SGK3: variants seen among roughly 807,000 people sequenced by gnomAD.
The protein encoded by SGK3 is serum/glucocorticoid regulated kinase family member 3.
Under a neutral mutation model 68.5 loss-of-function variants are expected in SGK3, and 47 were observed. The observed-to-expected ratio is 0.69, with a 90% CI of 0.54 to 0.87. SGK3 has a LOEUF of 0.87. SGK3 is among the 40% of genes least tolerant of loss of function. The pLI, the probability that SGK3 is intolerant of heterozygous loss-of-function variation, is 0.00. For synonymous variants in SGK3, 181 were observed against 189.1 expected (o/e 0.96, Z 0.35); for missense variants, 479 against 575.5 (o/e 0.83, Z 1.72).
At position 66,744,512 on chromosome 8, in the gene SGK3, TA is replaced by T. The variant is rs1563605645; in HGVS notation, c.-122+31680del. Among the ~76,000 whole-genome samples the T allele has an allele frequency of 7.1e-3, 224 of 31,476 alleles. 1 individual carries two copies. Among genetic ancestry groups the T allele is most frequent in the African/African-American group, 0.016 (84 of 5,132 alleles). 20.6% of individuals were successfully genotyped at this position (31,476 alleles called of 152,430 possible). On this transcript the variant is annotated intron_variant, in intron 1 of 16. Coordinates refer to ENST00000521198, the MANE Select transcript of SGK3 (RefSeq NM_001033578.3). The stretch of plus-strand genomic sequence containing the variant: ...ATATATATATATATATATATATATA[TA>T]TATATATTTTTTTTTTTTTTTTTTT...
chr8:66,754,390 G>A (rs184995895), intron 1 of SGK3, among the ~76,000 whole-genome samples: 20 of 152,192 alleles, frequency 1.3e-4, no homozygotes, highest in Admixed American at 1.0e-3. Flanking sequence ...GACTCTACCC[G>A]CTTAATTCAG....
chr8:66,745,003 T>A (rs1805612289), intron 1 of SGK3, among the ~76,000 whole-genome samples: 1 of 152,106 alleles, frequency 6.6e-6, no homozygotes, highest in African/African-American at 2.4e-5. Context: ...GAAGTCTTTC[T>A]TGTTCTCTGT....
At chr8:66,824,324 G>C (rs539866487) in intron 6 of SGK3, among the ~76,000 whole-genome samples, 13 of 152,214 alleles carry the variant, frequency 8.5e-5, no homozygotes, top group East Asian at 5.8e-4. Flanking sequence ...TGAAAAGAAT[G>C]ATACTTAACA....
chr8:66,855,096 T>G (rs1810455727), intron 16 of SGK3, among the ~76,000 whole-genome samples: 2 of 152,150 alleles, frequency 1.3e-5, no homozygotes, highest in Admixed American at 1.3e-4. Flanking sequence ...TAAGATAATG[T>G]TTTTGTGTAT....
intron 3 of SGK3, among the ~76,000 whole-genome samples, chr8:66,801,613 GTGTC>G (rs1033949090): frequency 6.6e-6 from 1 of 152,168 alleles, no homozygotes; most frequent in South Asian, 2.1e-4. Flanking sequence ...CATGACTGTA[GTGTC>G]TGTCTGTCTC....
In SGK3 at chr8:66,806,699, G is replaced by A. The variant is rs1470632120; in HGVS notation, c.253+2252G>A. Among the ~76,000 whole-genome samples the A allele has an allele frequency of 2.6e-5, 4 of 151,770 alleles. No homozygotes were observed. In the East Asian group the frequency reaches 7.7e-4, roughly 29 times the overall value. On this transcript the variant is annotated intron_variant, in intron 4 of 16. Transcript: ENST00000521198. ...ATAATGGTGCATGCCTGTAGTCCCA[G>A]CTACTCGGGAGGCTGGAGCAAGAGA...
chr8:66,795,051 A>G (rs1807621808), intron 2 of SGK3, among the ~76,000 whole-genome samples: 1 of 152,178 alleles, frequency 6.6e-6, no homozygotes, highest in South Asian at 2.1e-4. Context: ...TGGCTCAGTG[A>G]TCCACCCCAG....
In SGK3 at chr8:66,829,552, T is replaced by A. The variant is rs563917946; in HGVS notation, c.467+849T>A. Among the ~76,000 whole-genome samples the A allele has an allele frequency of 1.4e-3, 209 of 152,234 alleles. 4 individuals carry two copies. The highest frequency in any genetic ancestry group is 0.012 in the South Asian group (57 of 4,812). On this transcript the variant is annotated intron_variant, in intron 7 of 16. Transcript: ENST00000521198. The stretch of plus-strand genomic sequence containing the variant: ...AGTGCCTAAAAGAGGAGGGAGTAAT[T>A]ATCTCTGTTAATGTTGCTGATAGGG...
intron 1 of SGK3, among the ~76,000 whole-genome samples, chr8:66,787,840 T>C (rs1211693678): frequency 6.6e-6 from 1 of 152,224 alleles, no homozygotes; most frequent in Non-Finnish European, 1.5e-5. Flanking sequence ...ATCTTGTTCT[T>C]TCCAAGTCAC....
At chr8:66,851,057 G>T in intron 16 of SGK3, 137 bp downstream of exon 16, 1 of 917,370 alleles carries the variant, frequency 1.1e-6, no homozygotes, top group South Asian at 1.8e-5. Context: ...TGTCACTCAG[G>T]GTTGTCTAGT....
chr8:66,759,819 T>G (rs760529825), intron 1 of SGK3, among the ~76,000 whole-genome samples: 1 of 151,832 alleles, frequency 6.6e-6, no homozygotes, highest in Non-Finnish European at 1.5e-5. Context: ...TCTCCTGACC[T>G]CGTGATCCAC....
rs34499404 is a variant in SGK3, at chr8:66,756,569, C to CTT, written c.-121-37020_-121-37019dup. Among the ~76,000 whole-genome samples, 354 of 77,936 alleles carry CTT rather than the reference C, an allele frequency of 4.5e-3. 51 individuals carry two copies. Among genetic ancestry groups the CTT allele is most frequent in the Non-Finnish European group, 6.4e-3 (247 of 38,700 alleles). The allele number at this position is 77,936 out of a possible 152,430, so 51.1% of individuals were successfully genotyped here. ...ATCTTGAAATTGAGGCATGCATCTACTTTTTTTTTTTTTTTTTTTTTTTTT... is the reference window on the plus strand; with the variant it reads ...ATCTTGAAATTGAGGCATGCATCTACTTTTTTTTTTTTTTTTTTTTTTTTTTT... On this transcript the variant is annotated intron_variant, in intron 1 of 16. Coordinates refer to ENST00000521198, the MANE Select transcript of SGK3 (RefSeq NM_001033578.3).
chr8:66,727,562 G>A (rs1805020676), intron 1 of SGK3, among the ~76,000 whole-genome samples: 1 of 152,178 alleles, frequency 6.6e-6, no homozygotes, highest in South Asian at 2.1e-4. Context: ...CTTTTGGGAG[G>A]TGTTTAGCTC....
chr8:66,852,950 G>A (rs1303084409), intron 16 of SGK3, among the ~76,000 whole-genome samples: 2 of 152,154 alleles, frequency 1.3e-5, no homozygotes, highest in Non-Finnish European at 2.9e-5. Flanking sequence ...AGCAACACTG[G>A]AAATGGAAAC....
chr8:66,815,740 A>C (rs988391648), intron 5 of SGK3, among the ~76,000 whole-genome samples: 5 of 152,220 alleles, frequency 3.3e-5, no homozygotes, highest in Admixed American at 2.0e-4. Context: ...CAGAACCCCT[A>C]ACACTATATA....
At chr8:66,798,416 C>A in intron 2 of SGK3, 126 bp from the exon 3 acceptor site, 1 of 667,622 alleles carries the variant, frequency 1.5e-6, no homozygotes, top group Non-Finnish European at 2.4e-6. Flanking sequence ...AAAACATCAG[C>A]CTTGGTGAAA....
At chr8:66,763,907 T>C (rs1026533061) in intron 1 of SGK3, among the ~76,000 whole-genome samples, 2 of 152,248 alleles carry the variant, frequency 1.3e-5, no homozygotes, top group African/African-American at 4.8e-5. Context: ...TCTTGCTCTG[T>C]TGCCCAGACT....
At chr8:66,791,305 T>A (rs191080039) in intron 1 of SGK3, among the ~76,000 whole-genome samples, 2 of 152,298 alleles carry the variant, frequency 1.3e-5, no homozygotes, top group African/African-American at 4.8e-5. Context: ...GCTACTTTAG[T>A]GTGCAGTCCA....
At chr8:66,833,315 A>G (rs1013630879) in intron 8 of SGK3, among the ~76,000 whole-genome samples, 2 of 151,744 alleles carry the variant, frequency 1.3e-5, no homozygotes, top group Non-Finnish European at 2.9e-5. Context: ...CTCTTTTTAG[A>G]TTTTAAGTTT....
Sources: allele counts gnomAD v4.1 joint callset (sites outside exome capture counted in the v4.1 genomes callset), GRCh38; gene constraint gnomAD v4.1.1; transcripts MANE v1.5; gene names NCBI Gene and HGNC (gene_info 2026-07-23, HGNC 2026-07-21).